The following MAP7 variants were observed in gnomAD, a reference collection of about 807,000 sequenced individuals.
The protein encoded by MAP7 is ensconsin.
In MAP7, 52 loss-of-function variants were observed where a neutral mutation model predicts 94.8. The observed-to-expected ratio is 0.55, with a 90% CI of 0.44 to 0.69. MAP7 has a LOEUF of 0.69. Ranked by LOEUF, MAP7 falls within the 30% of genes least tolerant of loss-of-function variation. The probability of loss-of-function intolerance (pLI) is 0.00; values close to 1 mark genes in which losing one functional copy is unlikely to be tolerated. For synonymous variants in MAP7, 350 were observed against 357.0 expected, an observed-to-expected ratio of 0.98 and a Z score of 0.22; for missense variants, 940 against 964.6, an observed-to-expected ratio of 0.97 and a Z score of 0.34.
intron 15 of MAP7, among the ~76,000 whole-genome samples, chr6:136,358,650 C>T (rs965075263): frequency 5.3e-5 from 8 of 152,098 alleles, no homozygotes; most frequent in Non-Finnish European, 8.8e-5. Context: ...TCACATAAAC[C>T]GTTGGATTTG....
At chr6:136,430,521 T>C (rs974944414) in intron 1 of MAP7, among the ~76,000 whole-genome samples, 2 of 152,246 alleles carry the variant, frequency 1.3e-5, no homozygotes, top group African/African-American at 4.8e-5. Flanking sequence ...TAAATACACA[T>C]ATACACTGCT....
At chr6:136,469,506 C>A (rs375758453) in intron 1 of MAP7, among the ~76,000 whole-genome samples, 3 of 152,072 alleles carry the variant, frequency 2.0e-5, no homozygotes, top group Non-Finnish European at 4.4e-5. Flanking sequence ...CTCAGCCTCT[C>A]GAGTAGCTGG....
At chr6:136,526,491 C>T (rs148138175) in intron 1 of MAP7, 26,703 of 985,670 alleles carry the variant, frequency 0.027, 419 homozygotes, top group Non-Finnish European at 0.03. Flanking sequence ...TAACAGTTGC[C>T]CTGACAACCC....
chr6:136,531,661 G>A (rs1828481482), intron 1 of MAP7, among the ~76,000 whole-genome samples: 1 of 144,228 alleles, frequency 6.9e-6, no homozygotes, highest in African/African-American at 2.9e-5. Context: ...CTTCGTCCAA[G>A]TAAAGAAAAG....
chr6:136,372,403 C>T, intron 8 of MAP7, 98 bp downstream of exon 8: 1 of 1,396,118 alleles, frequency 7.2e-7, no homozygotes, highest in South Asian at 1.4e-5. Flanking sequence ...CACGGTCTCC[C>T]CCTCTTACGC....
chr6:136,402,905 C>A (rs1464988240), intron 3 of MAP7, among the ~76,000 whole-genome samples: 4 of 67,392 alleles, frequency 5.9e-5, no homozygotes, highest in African/African-American at 1.2e-4. Context: ...GACTCTGTCT[C>A]AAAAAAAAAA....
intron 1 of MAP7, among the ~76,000 whole-genome samples, chr6:136,484,410 GAA>G (rs1199008736): frequency 1.3e-5 from 2 of 152,192 alleles, no homozygotes; most frequent in African/African-American, 4.8e-5. Flanking sequence ...TGCAATGGAA[GAA>G]AAGAGTCCCA....
intron 3 of MAP7, among the ~76,000 whole-genome samples, chr6:136,405,859 T>C (rs1164627757): frequency 6.6e-6 from 1 of 152,200 alleles, no homozygotes; most frequent in Non-Finnish European, 1.5e-5. Context: ...GGATTGGTTA[T>C]GGGATGTGTG....
At position 136,385,850 on chromosome 6, in the gene MAP7, A is replaced by C. The variant is rs561014969; in HGVS notation, c.527-2069T>G. Reference sequence around the variant, plus strand: ...CAGTGGCACAATCTCAGCTCACTGCAACCTCCATCTCCTGGGCTCAAGCAA... The same window carrying C: ...CAGTGGCACAATCTCAGCTCACTGCCACCTCCATCTCCTGGGCTCAAGCAA... On this transcript the variant is annotated intron_variant, in intron 5 of 17. Coordinates refer to ENST00000354570, the MANE Select transcript of MAP7 (RefSeq NM_003980.6). 1.6e-3 allele frequency among the ~76,000 whole-genome samples: 241 copies of C among 152,322 alleles called. 3 individuals carry two copies. The highest frequency in any genetic ancestry group is 5.6e-3 in the African/African-American group (231 of 41,570).
At chr6:136,396,861 G>C (rs1582788488) in intron 3 of MAP7, among the ~76,000 whole-genome samples, 2 of 152,170 alleles carry the variant, frequency 1.3e-5, no homozygotes, top group African/African-American at 4.8e-5. Flanking sequence ...GTAAATATTA[G>C]CTATTGTTGT....
At chr6:136,404,488 G>T (rs761079421) in intron 3 of MAP7, among the ~76,000 whole-genome samples, 10 of 151,560 alleles carry the variant, frequency 6.6e-5, no homozygotes, top group African/African-American at 2.2e-4. Context: ...CTAAAATATT[G>T]CTTTATGATA....
chr6:136,360,813 T>C lies in MAP7; in HGVS notation c.1702-15A>G. ...TCTTCTTCTTTCTGAAAACAGAAGG[T>C]CGGCGTCTGCCTCTGACAAACAGGC... On this transcript the variant is annotated splice_polypyrimidine_tract_variant and intron_variant, in intron 12 of 17. Transcript: ENST00000354570. The C allele has an allele frequency of 6.2e-7, 1 of 1,612,474 alleles. No individual in the cohort carries two copies. Among genetic ancestry groups the C allele is most frequent in the East Asian group, 2.2e-5 (1 of 44,862 alleles).
chr6:136,394,707 C>G (rs763835074), intron 3 of MAP7, among the ~76,000 whole-genome samples: 1 of 150,876 alleles, frequency 6.6e-6, no homozygotes, highest in African/African-American at 2.4e-5. Flanking sequence ...ATTAACAAAC[C>G]TCTTTAACCT....
chr6:136,362,534 C>T lies in MAP7; in HGVS notation c.1442G>A (p.Arg481Lys). Residue 481 changes from arginine (R) to lysine (K), a missense_variant, in exon 11 of 18, where the codon AGG becomes AAG. Coordinates refer to ENST00000354570, the MANE Select transcript of MAP7 (RefSeq NM_003980.6). ...AGTTDPEEAT[R>K]LLAEKRRLAR... is the part of the protein sequence containing the mutation. ...CAGCCGCCTCTTCTCAGCTAGAAGCCTTGTGGCCTCCTCTGGGTCGGTGGT... is the reference window on the plus strand; with the variant it reads ...CAGCCGCCTCTTCTCAGCTAGAAGCTTTGTGGCCTCCTCTGGGTCGGTGGT... 3 of 1,614,158 alleles carry T rather than the reference C, an allele frequency of 1.9e-6. No homozygotes were observed. Among genetic ancestry groups the T allele is most frequent in the Non-Finnish European group, 2.5e-6 (3 of 1,180,040 alleles).
At chr6:136,344,283 T>C (rs749683106) in intron 17 of MAP7, 45 bp from the exon 18 acceptor site, 2 of 1,021,248 alleles carry the variant, frequency 2.0e-6, no homozygotes, top group South Asian at 2.4e-5. Flanking sequence ...ATGACATTTA[T>C]CTAAAATCTT....
At chr6:136,363,338 G>A (rs1468189771) in intron 10 of MAP7, among the ~76,000 whole-genome samples, 14 of 152,202 alleles carry the variant, frequency 9.2e-5, no homozygotes, top group Admixed American at 9.2e-4. Flanking sequence ...CTAGAGAGCT[G>A]GTGCCCCAGA....
intron 1 of MAP7, among the ~76,000 whole-genome samples, chr6:136,422,149 A>G (rs373697988): frequency 2.0e-5 from 3 of 152,382 alleles, no homozygotes; most frequent in East Asian, 3.9e-4. Flanking sequence ...TTGGCTTAGA[A>G]TATATTTCAA....
chr6:136,513,398 C>T (rs942195368), intron 1 of MAP7, among the ~76,000 whole-genome samples: 3 of 152,172 alleles, frequency 2.0e-5, no homozygotes, highest in African/African-American at 7.2e-5. Context: ...TCTCAAGAAA[C>T]CACTTACTTT....
At chr6:136,408,848 G>A (rs1434114700) in intron 3 of MAP7, among the ~76,000 whole-genome samples, 1 of 151,990 alleles carries the variant, frequency 6.6e-6, no homozygotes, top group Non-Finnish European at 1.5e-5. Context: ...GATCAGGTGT[G>A]CCCTTTGATT....
Sources: allele counts gnomAD v4.1 joint callset (sites outside exome capture counted in the v4.1 genomes callset), GRCh38; gene constraint gnomAD v4.1.1; transcripts MANE v1.5; gene names NCBI Gene and HGNC (gene_info 2026-07-23, HGNC 2026-07-21).